Variants in QTMAN observed in about 807,000 individuals in gnomAD.
QTMAN encodes the protein tRNA-queuosine alpha-mannosyltransferase.
At chr2:144,227,213 C>T in the QTMAN span, among the ~76,000 whole-genome samples, 1 of 152,002 alleles carries the variant, frequency 6.6e-6, no homozygotes, top group Admixed American at 6.6e-5. Flanking sequence ...ATTCCGATTG[C>T]CTATTTCTTT....
At chr2:144,307,188 T>TAAAAAAAAAAAAAAAAAAAAACAAAA in the QTMAN span, among the ~76,000 whole-genome samples, 1 of 81,262 alleles carries the variant, frequency 1.2e-5, no homozygotes, top group Non-Finnish European at 2.6e-5. Context: ...AAAAAACAAT[T>TAAAAAAAAAAAAAAAAAAAAACAAAA]AAAAAAAAAA....
chr2:144,185,282 A>G, the QTMAN span, among the ~76,000 whole-genome samples: 1 of 152,312 alleles, frequency 6.6e-6, no homozygotes, highest in African/African-American at 2.4e-5. Context: ...CCTTATAGCT[A>G]CTAAATGGCA....
the QTMAN span, among the ~76,000 whole-genome samples, chr2:144,093,557 C>T: frequency 6.6e-6 from 1 of 152,206 alleles, no homozygotes; most frequent in Admixed American, 6.5e-5. Context: ...GTAGAATATC[C>T]TGTCCTTCAG....
the QTMAN span, among the ~76,000 whole-genome samples, chr2:144,129,330 C>T: frequency 6.6e-6 from 1 of 151,802 alleles, no homozygotes; most frequent in Non-Finnish European, 1.5e-5. Context: ...ATGACAGGAA[C>T]AGGAAGCACA....
the QTMAN span, among the ~76,000 whole-genome samples, chr2:144,110,092 G>A: frequency 6.6e-5 from 10 of 152,216 alleles, no homozygotes; most frequent in East Asian, 1.5e-3. Context: ...ACATGCACAC[G>A]TATGTTTATT....
At chr2:144,278,249 A>G in the QTMAN span, among the ~76,000 whole-genome samples, 6 of 152,278 alleles carry the variant, frequency 3.9e-5, no homozygotes, top group African/African-American at 1.4e-4. Context: ...AAGACCTAGT[A>G]AACGATTACA....
At chr2:144,190,325 T>C in the QTMAN span, among the ~76,000 whole-genome samples, 1 of 152,238 alleles carries the variant, frequency 6.6e-6, no homozygotes, top group Non-Finnish European at 1.5e-5. Context: ...AAACTTGATG[T>C]ACCTCCAATA....
At chr2:143,990,395 T>G in the QTMAN span, among the ~76,000 whole-genome samples, 1 of 152,152 alleles carries the variant, frequency 6.6e-6, no homozygotes, top group Non-Finnish European at 1.5e-5. Context: ...GGTAATGGGT[T>G]GGGATAGTTA....
the QTMAN span, chr2:143,945,902 C>T: frequency 4.6e-5 from 7 of 152,198 alleles, no homozygotes; most frequent in African/African-American, 1.4e-4. Flanking sequence ...AAAACAGATC[C>T]TTGTTCATCC....
chr2:144,092,033 A>T, the QTMAN span, among the ~76,000 whole-genome samples: 1 of 152,192 alleles, frequency 6.6e-6, no homozygotes, highest in African/African-American at 2.4e-5. Context: ...GTGAATTGGG[A>T]TAGAAGTAGG....
chr2:144,141,445 A>C, the QTMAN span, among the ~76,000 whole-genome samples: 3 of 151,462 alleles, frequency 2.0e-5, no homozygotes. Flanking sequence ...AAAAAATAAA[A>C]GAAAATAGCA....
the QTMAN span, among the ~76,000 whole-genome samples, chr2:144,059,444 T>C: frequency 6.6e-6 from 1 of 152,194 alleles, no homozygotes; most frequent in Non-Finnish European, 1.5e-5. Context: ...TAGTACACCA[T>C]CTGGCACACT....
the QTMAN span, among the ~76,000 whole-genome samples, chr2:144,174,250 C>T: frequency 6.6e-6 from 1 of 152,110 alleles, no homozygotes; most frequent in African/African-American, 2.4e-5. Context: ...ATGCTTACCT[C>T]CATCTCCGCA....
the QTMAN span, among the ~76,000 whole-genome samples, chr2:144,196,595 G>T: frequency 6.6e-6 from 1 of 151,986 alleles, no homozygotes; most frequent in Non-Finnish European, 1.5e-5. Flanking sequence ...TGTTCAAATG[G>T]TACCAAAGTC....
At chr2:144,221,515 G>A in the QTMAN span, among the ~76,000 whole-genome samples, 13 of 152,136 alleles carry the variant, frequency 8.5e-5, no homozygotes, top group African/African-American at 2.6e-4. Flanking sequence ...ATGCACACAC[G>A]CAAACATAAA....
At chr2:144,282,963 G>A in the QTMAN span, among the ~76,000 whole-genome samples, 1 of 152,198 alleles carries the variant, frequency 6.6e-6, no homozygotes, top group Non-Finnish European at 1.5e-5. Context: ...ACATCCACGT[G>A]CTCAGAGTGG....
chr2:144,201,617 C>T, the QTMAN span, among the ~76,000 whole-genome samples: 2 of 152,290 alleles, frequency 1.3e-5, no homozygotes, highest in South Asian at 2.1e-4. Context: ...TGTGTGCTAG[C>T]GCCATATGTC....
the QTMAN span, among the ~76,000 whole-genome samples, chr2:144,327,550 C>G: frequency 4.6e-5 from 7 of 152,312 alleles, no homozygotes; most frequent in East Asian, 1.4e-3. Flanking sequence ...GAAAGGCGTT[C>G]TAACTCATGA....
the QTMAN span, among the ~76,000 whole-genome samples, chr2:144,191,239 G>A: frequency 2.0e-5 from 3 of 152,062 alleles, no homozygotes; most frequent in African/African-American, 7.2e-5. Flanking sequence ...ATCCAAACGA[G>A]AAAAGTGAAA....
Sources: allele counts gnomAD v4.1 joint callset (sites outside exome capture counted in the v4.1 genomes callset), GRCh38; gene constraint gnomAD v4.1.1; transcripts MANE v1.5; gene names NCBI Gene and HGNC (gene_info 2026-07-23, HGNC 2026-07-21).